The following CFI variants were observed in gnomAD, a reference collection of about 807,000 sequenced individuals.
CFI encodes complement factor I.
In CFI, 66 loss-of-function variants were observed where a neutral mutation model predicts 78.8. That is an observed-to-expected ratio of 0.84 (90% CI 0.69 to 1.03). The LOEUF (loss-of-function observed/expected upper bound fraction) is 1.03, where lower values mean the gene tolerates loss of function less well. Ranked by LOEUF, CFI falls within the 50% of genes least tolerant of loss-of-function variation. CFI has a pLI of 0.00. For synonymous variants in CFI, 250 were observed against 232.6 expected (o/e 1.07, Z -0.68); for missense variants, 706 against 704.5 (o/e 1.00, Z -0.02).
intron 1 of CFI, among the ~76,000 whole-genome samples, chr4:109,768,026 G>C (rs1365583355): frequency 6.7e-6 from 1 of 149,426 alleles, no homozygotes; most frequent in Non-Finnish European, 1.5e-5. Context: ...GCAAACTATT[G>C]CAAGGACAAA....
downstream of CFI, chr4:109,740,574 G>A (rs1442291437): frequency 1.6e-5 from 6 of 370,014 alleles, no homozygotes; most frequent in Non-Finnish European, 3.1e-5. Context: ...GTAGGTGATA[G>A]AGCTGGGATT....
intron 1 of CFI, among the ~76,000 whole-genome samples, chr4:109,774,287 T>C (rs1006352954): frequency 6.6e-6 from 1 of 152,130 alleles, no homozygotes; most frequent in Non-Finnish European, 1.5e-5. Context: ...ATAAATGCTA[T>C]GTAGGGTAAG....
chr4:109,801,466 A>G (rs566140698), intron 1 of CFI, among the ~76,000 whole-genome samples: 1 of 152,340 alleles, frequency 6.6e-6, no homozygotes, highest in Non-Finnish European at 1.5e-5. Flanking sequence ...AATTAAATAT[A>G]TACTGTCTTG....
intron 11 of CFI, 106 bp from the exon 12 acceptor site, chr4:109,742,701 A>G: frequency 1.4e-6 from 1 of 728,890 alleles, no homozygotes; most frequent in Non-Finnish European, 2.4e-6. Flanking sequence ...TATAGTTTTC[A>G]ATATATATAA....
At chr4:109,790,627 GC>G in intron 1 of CFI, among the ~76,000 whole-genome samples, 1 of 151,908 alleles carries the variant, frequency 6.6e-6, no homozygotes, top group Non-Finnish European at 1.5e-5. Flanking sequence ...TGTCTGATAG[GC>G]CCCTCTATGT....
intron 2 of CFI, among the ~76,000 whole-genome samples, 179 bp downstream of exon 2, chr4:109,766,375 G>A (rs1040902422): frequency 6.6e-6 from 1 of 152,162 alleles, no homozygotes; most frequent in African/African-American, 2.4e-5. Flanking sequence ...CTCAAAGGCT[G>A]GCTGGATTCT....
rs1478645822 is a variant in CFI at position 109,764,585 on chromosome 4, C to T, written c.434G>A (p.Trp145Ter). 6.2e-7 allele frequency: 1 copy of T among 1,614,164 alleles called. No homozygotes were observed. Among genetic ancestry groups the T allele is most frequent in the South Asian group, 1.1e-5 (1 of 91,082 alleles). ...DKTMFICKSS[W>*]SMREANVACL... is the part of the protein sequence containing the mutation. The stretch of plus-strand genomic sequence containing the variant: ...GGCCACGTTGGCTTCCCTCATGCTC[C>T]AGCTGCTTTTGCATATGAACATTGT... The change falls in exon 3 of 13, where the codon TGG (tryptophan) becomes TAG (stop). Residue 145 changes from tryptophan to a stop codon, truncating the protein, a stop_gained. Coordinates refer to ENST00000394634, the MANE Select transcript of CFI (RefSeq NM_000204.5). LOFTEE classifies it high-confidence loss of function.
intron 1 of CFI, among the ~76,000 whole-genome samples, chr4:109,800,056 T>TTTTTGG (rs140453029): frequency 0.08 from 11,914 of 148,708 alleles, 915 homozygotes; most frequent in African/African-American, 0.19. Flanking sequence ...GGATTTTTGG[T>TTTTTGG]TTTTGGTTTT....
chr4:109,793,628 A>G (rs1390929002), intron 1 of CFI: 1 of 152,282 alleles, frequency 6.6e-6, no homozygotes, highest in Non-Finnish European at 1.5e-5. Flanking sequence ...CCTGAGCTCA[A>G]GTGATTCTCC....
chr4:109,759,333 A>C (rs1416365853), intron 6 of CFI, among the ~76,000 whole-genome samples: 1 of 152,070 alleles, frequency 6.6e-6, no homozygotes, highest in Non-Finnish European at 1.5e-5. Flanking sequence ...AATAAAGAAG[A>C]CTTTAAAAAC....
chr4:109,749,935 G>A (rs767510210), intron 8 of CFI, among the ~76,000 whole-genome samples: 2 of 152,062 alleles, frequency 1.3e-5, no homozygotes, highest in Non-Finnish European at 2.9e-5. Context: ...GCTCAGAAGG[G>A]AATCACATTC....
intron 8 of CFI, among the ~76,000 whole-genome samples, chr4:109,751,753 C>T (rs1725168290): frequency 6.6e-6 from 1 of 152,166 alleles, no homozygotes; most frequent in South Asian, 2.1e-4. Flanking sequence ...AAATCTTTTA[C>T]TCATTGCCTG....
At chr4:109,731,228 C>T in the CFI span, among the ~76,000 whole-genome samples, 21 of 152,190 alleles carry the variant, frequency 1.4e-4, no homozygotes, top group African/African-American at 5.1e-4. Context: ...CACCTGTAAT[C>T]CCAGCTACTC....
intron 11 of CFI, 101 bp from the exon 12 acceptor site, chr4:109,742,696 T>C: frequency 1.3e-6 from 1 of 752,622 alleles, no homozygotes; most frequent in South Asian, 1.5e-5. Flanking sequence ...GGGTGTATAG[T>C]TTTCAATATA....
Position 109,800,756 on chromosome 4 carries a change from T to C in CFI, c.57+1159A>G, listed in dbSNP as rs116011736. On this transcript the variant is annotated intron_variant, in intron 1 of 12. Transcript: ENST00000394634. ...ATAAGTAGGTATAAGTATGCATTTA[T>C]ATATATGCATATAAACACACATACA... Among the ~76,000 whole-genome samples, 466 of 152,182 alleles carry C rather than the reference T, an allele frequency of 3.1e-3. 7 individuals carry two copies. The highest frequency in any genetic ancestry group is 0.011 in the African/African-American group (446 of 41,552).
intron 1 of CFI, among the ~76,000 whole-genome samples, chr4:109,788,314 G>A (rs887574363): frequency 6.6e-6 from 1 of 152,042 alleles, no homozygotes; most frequent in African/African-American, 2.4e-5. Flanking sequence ...TTGCTCTACA[G>A]AGGTTGTTTT....
chr4:109,780,076 T>C (rs943689325), intron 1 of CFI, among the ~76,000 whole-genome samples: 4 of 152,168 alleles, frequency 2.6e-5, no homozygotes, highest in Admixed American at 1.3e-4. Context: ...ATTCAGGCCA[T>C]AGGCATGGGC....
At chr4:109,752,651 G>A (rs1359759546) in intron 7 of CFI, 148 bp from the exon 8 acceptor site, 1 of 682,486 alleles carries the variant, frequency 1.5e-6, no homozygotes, top group Non-Finnish European at 2.5e-6. Context: ...CCCAAGGCAT[G>A]TCATCTTATT....
At chr4:109,772,581 G>A (rs1178869879) in intron 1 of CFI, among the ~76,000 whole-genome samples, 1 of 146,438 alleles carries the variant, frequency 6.8e-6, no homozygotes, top group Non-Finnish European at 1.5e-5. Context: ...GAATTTGATC[G>A]TTTTTTTTTT....
Sources: gnomAD v4.1 joint callset for allele counts (sites outside exome capture counted in the v4.1 genomes callset) on GRCh38, gnomAD v4.1.1 for gene constraint, MANE v1.5 for transcripts, NCBI Gene and HGNC (gene_info 2026-07-23, HGNC 2026-07-21) for gene names.